ATP8A1: variants seen among roughly 807,000 people sequenced by gnomAD.
The protein encoded by ATP8A1 is phospholipid-transporting ATPase IA.
A neutral mutation model predicts 177.7 loss-of-function variants in ATP8A1; 90 were observed. The observed-to-expected ratio is 0.51, with a 90% CI of 0.43 to 0.60. The LOEUF (loss-of-function observed/expected upper bound fraction) is 0.60. ATP8A1 is among the 20% of genes least tolerant of loss of function. ATP8A1 has a pLI of 0.00. For missense variants in ATP8A1, 1,072 were observed against 1,392.8 expected (o/e 0.77, Z 3.67); for synonymous variants, 493 against 485.9 (o/e 1.01, Z -0.19).
chr4:42,527,170 C>T (rs1175322245), intron 20 of ATP8A1, among the ~76,000 whole-genome samples: 2 of 152,140 alleles, frequency 1.3e-5, no homozygotes, highest in African/African-American at 4.8e-5. Flanking sequence ...CTAAGACTGC[C>T]CTGAGTGAGA....
intron 25 of ATP8A1, among the ~76,000 whole-genome samples, chr4:42,484,959 T>C (rs1387408599): frequency 2.6e-5 from 4 of 152,358 alleles, no homozygotes. Context: ...CAGGAAGGAC[T>C]GGAGCTATGT....
At chr4:42,549,181 C>A in intron 18 of ATP8A1, 119 bp from the exon 19 acceptor site, 2 of 741,996 alleles carry the variant, frequency 2.7e-6, no homozygotes, top group South Asian at 3.8e-5. Context: ...ATTTTCCCTG[C>A]TGAAATATGG....
intron 27 of ATP8A1, among the ~76,000 whole-genome samples, chr4:42,459,202 A>T (rs181201120): frequency 1.3e-5 from 2 of 152,254 alleles, no homozygotes; most frequent in Non-Finnish European, 2.9e-5. Flanking sequence ...ATCAGTGTCA[A>T]ATATCTCATG....
At position 42,509,739 on chromosome 4, in the gene ATP8A1, C is replaced by T. The variant is rs182659027; in HGVS notation, c.1948-2585G>A. Among the ~76,000 whole-genome samples the T allele has an allele frequency of 4.3e-3, 648 of 151,210 alleles. 9 individuals are homozygous for T. The highest frequency in any genetic ancestry group is 0.015 in the African/African-American group (599 of 41,178). ...TGGTGGCAGGCACCTGTAGTCCCAG[C>T]TACTCGGGAGGCTGAGGCAGGAGAA... On this transcript the variant is annotated intron_variant, in intron 22 of 36. Coordinates refer to ENST00000381668, the MANE Select transcript of ATP8A1 (RefSeq NM_006095.2).
intron 5 of ATP8A1, among the ~76,000 whole-genome samples, chr4:42,604,150 G>C (rs961767805): frequency 6.6e-6 from 1 of 152,030 alleles, no homozygotes; most frequent in African/African-American, 2.4e-5. Context: ...TCCTCACCTA[G>C]TTAACTTGTA....
At chr4:42,511,993 G>C (rs1204885178) in intron 22 of ATP8A1, among the ~76,000 whole-genome samples, 1 of 152,154 alleles carries the variant, frequency 6.6e-6, no homozygotes, top group Non-Finnish European at 1.5e-5. Context: ...ATAAATACTA[G>C]TAGGATTTAT....
chr4:42,433,890 G>A (rs7435664), intron 33 of ATP8A1, among the ~76,000 whole-genome samples: 56,092 of 150,732 alleles, frequency 0.37, 10,639 homozygotes, highest in African/African-American at 0.43. Flanking sequence ...GGTGTTTAGA[G>A]GGAAAGGAGG....
At chr4:42,548,269 T>C (rs1189875261) in intron 19 of ATP8A1, among the ~76,000 whole-genome samples, 2 of 152,138 alleles carry the variant, frequency 1.3e-5, no homozygotes, top group African/African-American at 4.8e-5. Context: ...GGCTTCCTGA[T>C]CCCGACTCAT....
rs1723740746 is a variant in ATP8A1, at chr4:42,500,390, CAAAACA to C, written c.2151+3054_2151+3059del. On this transcript the variant is annotated intron_variant, in intron 24 of 36. Coordinates refer to ENST00000381668, the MANE Select transcript of ATP8A1 (RefSeq NM_006095.2). ...AAAAACAAAACAAAACAAAACAAAA[CAAAACA>C]AAACAAAACAAAACAAAAACAGAAA... is the stretch of plus-strand genomic sequence containing the variant. 4.0e-5 allele frequency among the ~76,000 whole-genome samples: 6 copies of C among 151,734 alleles called. No individual in the cohort carries two copies. In the South Asian group the frequency reaches 1.3e-3, roughly 32 times the overall value.
chr4:42,579,381 T>C (rs1028044021), intron 11 of ATP8A1, among the ~76,000 whole-genome samples: 1 of 147,854 alleles, frequency 6.8e-6, no homozygotes, highest in African/African-American at 2.4e-5. Flanking sequence ...TATATTTAAA[T>C]ATTTATATTA....
chr4:42,517,375 C>A (rs963545709), intron 22 of ATP8A1, among the ~76,000 whole-genome samples: 1 of 151,624 alleles, frequency 6.6e-6, no homozygotes, highest in African/African-American at 2.4e-5. Context: ...ATTATGAGTC[C>A]TAATATGTTG....
At chr4:42,552,422 G>T in intron 17 of ATP8A1, 83 bp downstream of exon 17, 2 of 1,139,940 alleles carry the variant, frequency 1.8e-6, no homozygotes, top group Non-Finnish European at 2.5e-6. Context: ...CACTCAATTT[G>T]GCTATCTTTT....
chr4:42,604,261 G>A (rs1244407276), intron 5 of ATP8A1, among the ~76,000 whole-genome samples: 1 of 152,132 alleles, frequency 6.6e-6, no homozygotes, highest in Non-Finnish European at 1.5e-5. Context: ...TGAGCTCCGT[G>A]CACTTTTCCT....
chr4:42,495,522 G>C (rs992602758), intron 24 of ATP8A1, among the ~76,000 whole-genome samples: 1 of 152,132 alleles, frequency 6.6e-6, no homozygotes, highest in Non-Finnish European at 1.5e-5. Flanking sequence ...ATTCATCCCA[G>C]TCAGGATCAC....
chr4:42,422,391 A>G (rs1427047968), intron 35 of ATP8A1, among the ~76,000 whole-genome samples: 1 of 152,174 alleles, frequency 6.6e-6, no homozygotes, highest in East Asian at 1.9e-4. Context: ...CGCCTGGCCA[A>G]TTACATACAT....
intron 25 of ATP8A1, among the ~76,000 whole-genome samples, chr4:42,476,125 G>T (rs1721035004): frequency 6.6e-6 from 1 of 152,116 alleles, no homozygotes; most frequent in African/African-American, 2.4e-5. Context: ...GGAAAGTCTG[G>T]CCTCAGTTCC....
intron 5 of ATP8A1, among the ~76,000 whole-genome samples, chr4:42,608,557 G>A (rs377187969): frequency 6.6e-6 from 1 of 151,860 alleles, no homozygotes; most frequent in Non-Finnish European, 1.5e-5. Context: ...ATGGGGTTTC[G>A]CCATGTTGGT....
chr4:42,482,012 A>G (rs1231213725), intron 25 of ATP8A1, among the ~76,000 whole-genome samples: 1 of 152,184 alleles, frequency 6.6e-6, no homozygotes, highest in Admixed American at 6.5e-5. Flanking sequence ...CTATGAAAGA[A>G]CAGTAGTTGG....
At chr4:42,416,091 T>C (rs896554052) in intron 35 of ATP8A1, among the ~76,000 whole-genome samples, 18 of 152,212 alleles carry the variant, frequency 1.2e-4, no homozygotes, top group African/African-American at 3.1e-4. Flanking sequence ...TAAACAGATA[T>C]GAGAAATGAG....
Sources: gnomAD v4.1 joint callset for allele counts (sites outside exome capture counted in the v4.1 genomes callset) on GRCh38, gnomAD v4.1.1 for gene constraint, MANE v1.5 for transcripts, NCBI Gene and HGNC (gene_info 2026-07-23, HGNC 2026-07-21) for gene names.